AOX1: variants seen among roughly 807,000 people sequenced by gnomAD.
The protein encoded by AOX1 is aldehyde oxidase 1.
Under a neutral mutation model 169.5 loss-of-function variants are expected in AOX1, and 153 were observed. The ratio of observed to expected loss-of-function variants is 0.90; its 90% CI spans 0.79 to 1.03. The LOEUF is 1.03. Ranked by LOEUF, AOX1 falls within the 50% of genes least tolerant of loss-of-function variation. The pLI is 0.00. For synonymous variants in AOX1, 562 were observed against 581.9 expected, an observed-to-expected ratio of 0.97 and a Z score of 0.49; for missense variants, 1,656 against 1,663.9, an observed-to-expected ratio of 1.00 and a Z score of 0.08.
At chr2:200,591,786 G>A (rs551040960) in intron 1 of AOX1, among the ~76,000 whole-genome samples, 61 of 152,256 alleles carry the variant, frequency 4.0e-4, no homozygotes, top group African/African-American at 1.3e-3. Flanking sequence ...CACTCTGGTC[G>A]TGGTGCAGAG....
At chr2:200,661,302 G>C (rs1464293909) in intron 29 of AOX1, among the ~76,000 whole-genome samples, 1 of 152,174 alleles carries the variant, frequency 6.6e-6, no homozygotes, top group Non-Finnish European at 1.5e-5. Context: ...GCAGATGACT[G>C]AGTGAATTTC....
At chr2:200,660,305 C>T (rs2035795531) in intron 29 of AOX1, among the ~76,000 whole-genome samples, 1 of 152,306 alleles carries the variant, frequency 6.6e-6, no homozygotes, top group African/African-American at 2.4e-5. Flanking sequence ...GGTTCTTCTG[C>T]CAGAACTCCT....
Position 200,669,480 on chromosome 2 carries a change from G to A in AOX1, c.3799-95G>A, listed in dbSNP as rs554746081. The stretch of plus-strand genomic sequence containing the variant: ...AAAAAAAAATGTACATATGTAGTAC[G>A]TAATATTTTTATATATGCACATATG... On this transcript the variant is annotated intron_variant, in intron 33 of 34. Transcript: ENST00000374700. 40 of 1,359,330 alleles carry A rather than the reference G, an allele frequency of 2.9e-5. No homozygotes were observed. The African/African-American group carries it at 3.7e-4, about 12-fold the overall frequency. The allele number at this position is 1,359,330 out of a possible 1,614,324, so 84.2% of individuals were successfully genotyped here.
intron 2 of AOX1, 70 bp downstream of exon 2, chr2:200,593,273 G>T: frequency 8.0e-7 from 1 of 1,248,376 alleles, no homozygotes. Context: ...CTCATTAAAT[G>T]ATATTTCAAA....
intron 18 of AOX1, among the ~76,000 whole-genome samples, chr2:200,622,228 C>T (rs2034902460): frequency 6.6e-6 from 1 of 152,232 alleles, no homozygotes. Context: ...ATTTCTTCCA[C>T]CTAGTATAAA....
intron 15 of AOX1, among the ~76,000 whole-genome samples, chr2:200,614,774 T>C (rs2034717021): frequency 6.6e-6 from 1 of 152,156 alleles, no homozygotes; most frequent in Admixed American, 6.5e-5. Context: ...TGAGGGTATC[T>C]TCTCAGTGTA....
chr2:200,599,525 A>G (rs921721166), intron 4 of AOX1, 95 bp from the exon 5 acceptor site: 87 of 1,021,382 alleles, frequency 8.5e-5, no homozygotes, highest in Non-Finnish European at 1.1e-4. Flanking sequence ...CATGCAGACA[A>G]ATCACCTGGG....
intron 22 of AOX1, 74 bp from the exon 23 acceptor site, chr2:200,638,141 C>T: frequency 1.4e-6 from 2 of 1,392,916 alleles, no homozygotes; most frequent in East Asian, 2.3e-5. Flanking sequence ...AGGCTCTTGC[C>T]AGGAGTTATA....
Position 200,642,596 on chromosome 2 carries a change from C to G in AOX1, c.2656-14C>G. On this transcript the variant is annotated splice_polypyrimidine_tract_variant and intron_variant, in intron 24 of 34. Coordinates refer to ENST00000374700, the MANE Select transcript of AOX1 (RefSeq NM_001159.4). Reference sequence around the variant, plus strand: ...TCAGAAGATCTTAATCACATCAACTCTGGATTTCTCCAGGTGATAGAAATG... The same window carrying G: ...TCAGAAGATCTTAATCACATCAACTGTGGATTTCTCCAGGTGATAGAAATG... 2 of 1,612,904 alleles carry G rather than the reference C, an allele frequency of 1.2e-6. No individual in the cohort carries two copies. The highest frequency in any genetic ancestry group is 8.5e-7 in the Non-Finnish European group (1 of 1,179,094).
chr2:200,616,212 A>T lies in AOX1; in HGVS notation c.1704+149A>T, dbSNP rs568304419. On this transcript the variant is annotated intron_variant, in intron 16 of 34. Coordinates refer to ENST00000374700, the MANE Select transcript of AOX1 (RefSeq NM_001159.4). ...CACAGCCTCTTTATGGGTAACTAAA[A>T]TTCCAAAATCAATGAAGAATTTGAT... 10 of 609,020 alleles carry T rather than the reference A, an allele frequency of 1.6e-5. No individual in the cohort carries two copies. In the South Asian group the frequency reaches 2.1e-4, roughly 13 times the overall value. The allele number at this position is 609,020 out of a possible 1,614,324, so 37.7% of individuals were successfully genotyped here. A position where few individuals can be genotyped will look rare whatever the true frequency, so the allele number is the denominator to read the frequency against.
chr2:200,612,923 A>G (rs532926963), intron 14 of AOX1, 130 bp downstream of exon 14: 1 of 695,220 alleles, frequency 1.4e-6, no homozygotes, highest in Admixed American at 3.1e-5. Flanking sequence ...AATGGCTGGG[A>G]ATTCCAATAA....
At chr2:200,606,839 T>C (rs2034527518) in intron 10 of AOX1, among the ~76,000 whole-genome samples, 1 of 152,236 alleles carries the variant, frequency 6.6e-6, no homozygotes, top group Non-Finnish European at 1.5e-5. Context: ...TTTTGTATCC[T>C]GAGACTTTGC....
At chr2:200,635,478 GAAA>G (rs2035211110) in intron 21 of AOX1, among the ~76,000 whole-genome samples, 3 of 120,610 alleles carry the variant, frequency 2.5e-5, no homozygotes, top group African/African-American at 8.3e-5. Flanking sequence ...GAGAAATTAG[GAAA>G]GAGTTTGCTG....
At chr2:200,624,503 G>C (rs1032140259) in intron 19 of AOX1, among the ~76,000 whole-genome samples, 2 of 152,170 alleles carry the variant, frequency 1.3e-5, no homozygotes, top group Non-Finnish European at 2.9e-5. Context: ...GGGGATGCTA[G>C]ATGGGAAACA....
rs1348592769 is a variant in AOX1 at position 200,599,681 on chromosome 2, C to G, written c.371C>G (p.Ser124Cys). Residue 124 changes from serine (S) to cysteine (C), a missense_variant, in exon 5 of 35, where the codon TCC (serine) becomes TGC (cysteine). Coordinates refer to ENST00000374700, the MANE Select transcript of AOX1 (RefSeq NM_001159.4). ...TTCTGCACACCTGGGATGGTGATGT[C>G]CATCTACACGCTGCTCAGGAACCAC... ...CGFCTPGMVMSIYTLLRNHPE... is the reference protein window; with the variant it reads ...CGFCTPGMVMCIYTLLRNHPE... 1 of 1,612,164 alleles carries G rather than the reference C, an allele frequency of 6.2e-7. No individual in the cohort carries two copies. The highest frequency in any genetic ancestry group is 8.5e-7 in the Non-Finnish European group (1 of 1,178,894).
chr2:200,664,389 T>C (rs2035888952), intron 31 of AOX1, among the ~76,000 whole-genome samples: 1 of 152,226 alleles, frequency 6.6e-6, no homozygotes, highest in Non-Finnish European at 1.5e-5. Flanking sequence ...CCTTCCAAAG[T>C]GCTGGGATTA....
intron 14 of AOX1, among the ~76,000 whole-genome samples, chr2:200,613,336 A>G (rs2034685500): frequency 6.6e-6 from 1 of 152,156 alleles, no homozygotes; most frequent in Non-Finnish European, 1.5e-5. Context: ...TAACTCCTCC[A>G]TGCTCTCAGT....
rs2034866136 is a variant in AOX1, at chr2:200,620,653, A to G, written c.1708A>G (p.Ile570Val). 7.2e-6 allele frequency: 11 copies of G among 1,531,180 alleles called. No individual in the cohort carries two copies. The highest frequency in any genetic ancestry group is 9.6e-6 in the Non-Finnish European group (11 of 1,150,688). The allele number at this position is 1,531,180 out of a possible 1,614,324, so 94.8% of individuals were successfully genotyped here. Residue 570 changes from isoleucine to valine, a missense_variant, in exon 17 of 35, where the codon ATA (isoleucine) becomes GTA (valine). Coordinates refer to ENST00000374700, the MANE Select transcript of AOX1 (RefSeq NM_001159.4). Reference sequence around the variant, plus strand: ...ATTTTGGTTATTTATTAAACAGAATATAGGCCCAAAGCAGCATCCTGAAGA... The same window carrying G: ...ATTTTGGTTATTTATTAAACAGAATGTAGGCCCAAAGCAGCATCCTGAAGA... ...HHCSTLKYQN[I>V]GPKQHPEDPI...
At chr2:200,586,551 C>T (rs1336142626) in intron 1 of AOX1, among the ~76,000 whole-genome samples, 3 of 152,348 alleles carry the variant, frequency 2.0e-5, no homozygotes. Flanking sequence ...ACACTGAGAG[C>T]AGCCTACAGA....
Sources: allele counts gnomAD v4.1 joint callset (sites outside exome capture counted in the v4.1 genomes callset), GRCh38; gene constraint gnomAD v4.1.1; transcripts MANE v1.5; gene names NCBI Gene and HGNC (gene_info 2026-07-23, HGNC 2026-07-21).